RBM19: variants seen among roughly 807,000 people sequenced by gnomAD.
RBM19 encodes probable RNA-binding protein 19.
In RBM19, 94 loss-of-function variants were observed where a neutral mutation model predicts 116.8. The ratio of observed to expected loss-of-function variants is 0.80; its 90% confidence interval spans 0.68 to 0.95. The LOEUF (loss-of-function observed/expected upper bound fraction) is 0.95. RBM19 is among the 40% of genes least tolerant of loss of function. RBM19 has a pLI of 0.00. For synonymous variants in RBM19, 475 were observed against 494.1 expected (o/e 0.96, Z 0.51); for missense variants, 1,161 against 1,220.7 (o/e 0.95, Z 0.73).
At chr12:113,830,595 T>TGGG in intron 23 of RBM19, among the ~76,000 whole-genome samples, 1 of 70,984 alleles carries the variant, frequency 1.4e-5, no homozygotes, top group East Asian at 5.3e-4. Flanking sequence ...GGGGGTGGGC[T>TGGG]ATGCCTGGGG....
Position 113,829,530 on chromosome 12 carries a change from C to A in RBM19, c.2786-6209G>T, listed in dbSNP as rs79380189. Among the ~76,000 whole-genome samples, 1,201 of 152,294 alleles carry A rather than the reference C, an allele frequency of 7.9e-3. 23 individuals are homozygous for A. The highest frequency in any genetic ancestry group is 0.027 in the African/African-American group (1,140 of 41,558). ...GTCACTCTTAGCAAGCATGACCCAG[C>A]ATATTCTATGTGCCAGGAATGATGC... is the stretch of plus-strand genomic sequence containing the variant. On this transcript the variant is annotated intron_variant, in intron 23 of 23. Coordinates refer to ENST00000261741, the MANE Select transcript of RBM19 (RefSeq NM_016196.4).
rs1593640444 is a variant in RBM19, at chr12:113,950,234, G to T, written c.1001-80C>A. 4 of 1,168,048 alleles carry T rather than the reference G, an allele frequency of 3.4e-6. No homozygotes were observed. The East Asian group carries it at 9.5e-5, about 28-fold the overall frequency. The allele number at this position is 1,168,048 out of a possible 1,614,324, so 72.4% of individuals were successfully genotyped here. The stretch of plus-strand genomic sequence containing the variant: ...TGGTCCCCAGAGGAACACCCATACT[G>T]TGCTAGGAGCAGAAAGTGAGGGAGA... On this transcript the variant is annotated intron_variant, in intron 8 of 23. Transcript: ENST00000261741.
At chr12:113,961,113 C>G (rs144266350) in intron 2 of RBM19, among the ~76,000 whole-genome samples, 65 of 152,368 alleles carry the variant, frequency 4.3e-4, no homozygotes, top group African/African-American at 1.5e-3. Context: ...GCCTCAAACT[C>G]TTGGGCTCAA....
chr12:113,899,274 T>C (rs1881529347), intron 21 of RBM19, among the ~76,000 whole-genome samples: 1 of 152,160 alleles, frequency 6.6e-6, no homozygotes, highest in Admixed American at 6.5e-5. Context: ...CACAGCCTAG[T>C]CTCCTGGCTC....
intron 21 of RBM19, among the ~76,000 whole-genome samples, chr12:113,901,925 T>G (rs1881726252): frequency 6.6e-6 from 1 of 152,190 alleles, no homozygotes; most frequent in Non-Finnish European, 1.5e-5. Context: ...TTCTAATGCT[T>G]TATAGTTTGG....
chr12:113,936,984 C>T lies in RBM19; in HGVS notation c.2068+23G>A, dbSNP rs7132410. Reference sequence around the variant, plus strand: ...TCCCTCACCAGGATCCCAAGCCATCCTGGTCTCAGACTCAGCTCTTACCTG... The same window carrying T: ...TCCCTCACCAGGATCCCAAGCCATCTTGGTCTCAGACTCAGCTCTTACCTG... On this transcript the variant is annotated intron_variant, in intron 16 of 23. Coordinates refer to ENST00000261741, the MANE Select transcript of RBM19 (RefSeq NM_016196.4). 0.014 allele frequency: 21,807 copies of T among 1,610,314 alleles called. 2,499 individuals are homozygous for T. In the African/African-American group the frequency reaches 0.25, roughly 19 times the overall value.
intron 21 of RBM19, among the ~76,000 whole-genome samples, chr12:113,899,994 G>A (rs1375302060): frequency 2.6e-5 from 4 of 152,156 alleles, no homozygotes; most frequent in African/African-American, 7.2e-5. Flanking sequence ...GGGCAGGAGG[G>A]GAGGAATGAG....
At chr12:113,876,987 G>A (rs1247571143) in intron 21 of RBM19, among the ~76,000 whole-genome samples, 3 of 152,180 alleles carry the variant, frequency 2.0e-5, no homozygotes, top group African/African-American at 7.2e-5. Context: ...TTACACATGA[G>A]GAAAGGGAAG....
chr12:113,871,466 TCAGA>T (rs3837469), intron 21 of RBM19, among the ~76,000 whole-genome samples: 17,530 of 152,118 alleles, frequency 0.12, 1,187 homozygotes, highest in Non-Finnish European at 0.16. Flanking sequence ...CTATAAAGGG[TCAGA>T]CAGTCAATAA....
intron 17 of RBM19, among the ~76,000 whole-genome samples, chr12:113,925,846 G>T (rs564177959): frequency 6.6e-6 from 1 of 152,010 alleles, no homozygotes; most frequent in African/African-American, 2.4e-5. Flanking sequence ...TACCAGACCC[G>T]CACCAGAAAA....
chr12:113,925,685 TCAGTCTCCAG>T (rs1019127705), intron 17 of RBM19, among the ~76,000 whole-genome samples: 3 of 152,108 alleles, frequency 2.0e-5, no homozygotes, highest in Admixed American at 2.0e-4. Context: ...TCTCTGAAGC[TCAGTCTCCAG>T]CCATGTTGCA....
chr12:113,838,066 G>A (rs1876118735), intron 23 of RBM19, among the ~76,000 whole-genome samples: 1 of 152,178 alleles, frequency 6.6e-6, no homozygotes, highest in South Asian at 2.1e-4. Flanking sequence ...TAAAAACAAG[G>A]AAGATAATGA....
chr12:113,844,814 G>A (rs1253610573), intron 22 of RBM19, 26 bp from the exon 23 acceptor site: 1 of 1,595,298 alleles, frequency 6.3e-7, no homozygotes, highest in Non-Finnish European at 8.6e-7. Context: ...AAACGAAACT[G>A]CACATCAGCT....
intron 21 of RBM19, among the ~76,000 whole-genome samples, chr12:113,911,054 T>TG (rs11309991): frequency 3.3e-5 from 5 of 151,702 alleles, no homozygotes; most frequent in African/African-American, 4.8e-5. Context: ...GGGGTGGCGG[T>TG]GGGGGGGGTG....
chr12:113,876,427 T>C (rs1457843767), intron 21 of RBM19, among the ~76,000 whole-genome samples: 1 of 152,224 alleles, frequency 6.6e-6, no homozygotes, highest in African/African-American at 2.4e-5. Flanking sequence ...ACAGTTGTGT[T>C]AAGGCTTAAA....
intron 22 of RBM19, among the ~76,000 whole-genome samples, chr12:113,853,651 A>G (rs948411958): frequency 9.9e-5 from 15 of 152,130 alleles, no homozygotes; most frequent in African/African-American, 3.6e-4. Flanking sequence ...TGGAATCCCA[A>G]TGGCTATTGG....
At chr12:113,943,187 C>T (rs757151341) in intron 13 of RBM19, among the ~76,000 whole-genome samples, 2 of 152,222 alleles carry the variant, frequency 1.3e-5, no homozygotes, top group Non-Finnish European at 2.9e-5. Context: ...TCTCTGCCCT[C>T]ACCAGGCCTG....
intron 11 of RBM19, among the ~76,000 whole-genome samples, 167 bp from the exon 12 acceptor site, chr12:113,946,642 G>A (rs2135919200): frequency 6.6e-6 from 1 of 152,278 alleles, no homozygotes; most frequent in South Asian, 2.1e-4. Flanking sequence ...CTTCCCACCT[G>A]ACACAGGATC....
chr12:113,962,524 G>A, intron 1 of RBM19, 110 bp from the exon 2 acceptor site: 1 of 1,051,758 alleles, frequency 9.5e-7, no homozygotes, highest in Non-Finnish European at 1.4e-6. Context: ...GGCCTTAGAT[G>A]AAGAGGGGCA....
Sources: allele counts gnomAD v4.1 joint callset (sites outside exome capture counted in the v4.1 genomes callset), GRCh38; gene constraint gnomAD v4.1.1; transcripts MANE v1.5; gene names NCBI Gene and HGNC (gene_info 2026-07-23, HGNC 2026-07-21).